Variants in FRK observed in about 807,000 individuals in gnomAD.
FRK encodes tyrosine-protein kinase FRK.
FRK carries 51 observed loss-of-function variants against 56.4 expected under a neutral mutation model. The observed-to-expected ratio is 0.90, with a 90% CI of 0.72 to 1.14. FRK has a LOEUF of 1.14. Ranked by LOEUF, FRK falls within the 50% of genes most tolerant of loss-of-function variation. The probability of loss-of-function intolerance (pLI) is 0.00; values close to 1 mark genes in which losing one functional copy is unlikely to be tolerated. For missense variants in FRK, 570 were observed against 601.4 expected (o/e 0.95, Z 0.55); for synonymous variants, 245 against 217.9 (o/e 1.12, Z -1.10).
chr6:115,950,612 A>G (rs1467128336), intron 5 of FRK, among the ~76,000 whole-genome samples: 1 of 152,240 alleles, frequency 6.6e-6, no homozygotes, highest in Non-Finnish European at 1.5e-5. Flanking sequence ...CAGTGTGGCG[A>G]TTCCTCAAGG....
Position 115,980,929 on chromosome 6 carries a change from A to G in FRK, c.467-12190T>C, listed in dbSNP as rs1216942828. ...TTCTGTTAGAGACTCAGCATGATCT[A>G]TATCTCTGTTCTTTTTCATTGATTT... On this transcript the variant is annotated intron_variant, in intron 2 of 7. Transcript: ENST00000606080. Among the ~76,000 whole-genome samples the G allele has an allele frequency of 3.9e-5, 6 of 152,108 alleles. No homozygotes were observed. The East Asian group carries it at 1.2e-3, about 29-fold the overall frequency.
the FRK span, among the ~76,000 whole-genome samples, chr6:116,072,303 C>T: frequency 6.6e-6 from 1 of 151,920 alleles, no homozygotes; most frequent in Non-Finnish European, 1.5e-5. Flanking sequence ...GTGATTGAGT[C>T]CTGAATCTGA....
chr6:115,948,132 C>T (rs1772541741), intron 5 of FRK, among the ~76,000 whole-genome samples: 1 of 152,204 alleles, frequency 6.6e-6, no homozygotes, highest in South Asian at 2.1e-4. Context: ...CTGTTGTTCT[C>T]TCGCTTGCTC....
intron 1 of FRK, chr6:116,039,004 A>AAGACTGC (rs1375270963): frequency 2.7e-6 from 2 of 728,872 alleles, no homozygotes; most frequent in Non-Finnish European, 5.2e-6. Flanking sequence ...GGCATGATCA[A>AAGACTGC]AGACTGCAAA....
At chr6:115,972,859 G>A (rs1395631760) in intron 2 of FRK, among the ~76,000 whole-genome samples, 1 of 152,102 alleles carries the variant, frequency 6.6e-6, no homozygotes, top group East Asian at 1.9e-4. Context: ...TCAGTAGATG[G>A]CACTGCCAGG....
chr6:115,990,756 G>T (rs1774569442), intron 2 of FRK, among the ~76,000 whole-genome samples: 1 of 151,794 alleles, frequency 6.6e-6, no homozygotes, highest in Non-Finnish European at 1.5e-5. Context: ...GGCTATTTGT[G>T]CTCTTTTTTG....
the FRK span, among the ~76,000 whole-genome samples, chr6:116,096,201 G>C: frequency 1.6e-4 from 25 of 152,286 alleles, no homozygotes; most frequent in South Asian, 3.7e-3. Flanking sequence ...TTCCCCTCTA[G>C]AGGACAGTAC....
upstream of FRK, among the ~76,000 whole-genome samples, chr6:116,064,932 A>C (rs1057313121): frequency 3.3e-5 from 5 of 152,068 alleles, no homozygotes; most frequent in Non-Finnish European, 7.4e-5. Flanking sequence ...CTGTTCCCAC[A>C]TCTGATCCTG....
chr6:116,097,792 G>A, the FRK span, among the ~76,000 whole-genome samples: 2 of 152,098 alleles, frequency 1.3e-5, no homozygotes, highest in African/African-American at 4.8e-5. Flanking sequence ...TTCACAGCAT[G>A]GTATTAATGT....
intron 2 of FRK, among the ~76,000 whole-genome samples, chr6:115,996,583 A>T (rs1774849973): frequency 6.6e-6 from 1 of 152,130 alleles, no homozygotes; most frequent in African/African-American, 2.4e-5. Context: ...AGATAGGAGG[A>T]TTATTTGTAA....
chr6:116,003,271 A>G (rs1026387270), intron 2 of FRK, among the ~76,000 whole-genome samples: 1 of 152,196 alleles, frequency 6.6e-6, no homozygotes, highest in Non-Finnish European at 1.5e-5. Context: ...CAACCTGGCA[A>G]TATACCTAAA....
intron 2 of FRK, 123 bp downstream of exon 2, chr6:116,003,754 T>A (rs754623860): frequency 5.1e-4 from 507 of 986,234 alleles, no homozygotes; most frequent in Non-Finnish European, 4.1e-4. Context: ...AGTATTAATT[T>A]TGGTGCTACT....
rs1772840055 is a variant in FRK at position 115,953,177 on chromosome 6, G to GCC, written c.958+3273_958+3274dup. Among the ~76,000 whole-genome samples, 27 of 111,788 alleles carry GCC rather than the reference G, an allele frequency of 2.4e-4. 10 individuals carry two copies. The highest frequency in any genetic ancestry group is 7.6e-4 in the South Asian group (2 of 2,624). The allele number at this position is 111,788 out of a possible 152,430, so 73.3% of individuals were successfully genotyped here. A position where few individuals can be genotyped will look rare whatever the true frequency, so the allele number is the denominator to read the frequency against. On this transcript the variant is annotated intron_variant, in intron 5 of 7. Transcript: ENST00000606080. ...TTAAGAGTGGTACATCCATTTTAAG[G>GCC]CCATTTTTTTTTTTTTTTTTTTTTT...
intron 2 of FRK, among the ~76,000 whole-genome samples, chr6:115,985,577 T>C (rs990048828): frequency 2.6e-5 from 4 of 152,114 alleles, no homozygotes; most frequent in African/African-American, 9.7e-5. Context: ...GATTCTTTAC[T>C]TTCTAGCTGT....
At chr6:116,097,647 T>A in the FRK span, among the ~76,000 whole-genome samples, 1 of 152,232 alleles carries the variant, frequency 6.6e-6, no homozygotes, top group African/African-American at 2.4e-5. Flanking sequence ...AGATCAATTG[T>A]AATAATGAAA....
rs747059057 is a variant in FRK, at chr6:115,944,372, C to T, written c.1012G>A (p.Val338Ile). 1 of 1,612,680 alleles carries T rather than the reference C, an allele frequency of 6.2e-7. No individual in the cohort carries two copies. Among genetic ancestry groups the T allele is most frequent in the Non-Finnish European group, 8.5e-7 (1 of 1,179,502 alleles). The stretch of plus-strand genomic sequence containing the variant: ...TCCAGATAGGCCATTCCAGAGGCAA[C>T]CTGTGCCGCCATGTCTACCTGTTGA... ...LTQQVDMAAQ[V>I]ASGMAYLESR... The change falls in exon 6 of 8, where the codon GTT becomes ATT. Residue 338 changes from valine to isoleucine, a missense_variant. Physicochemically the swap from Val to Ile is conservative, Grantham distance 29. Coordinates refer to ENST00000606080, the MANE Select transcript of FRK (RefSeq NM_002031.3).
At chr6:116,095,924 T>G in the FRK span, among the ~76,000 whole-genome samples, 2 of 152,202 alleles carry the variant, frequency 1.3e-5, no homozygotes, top group African/African-American at 4.8e-5. Flanking sequence ...AGGCTTCTGA[T>G]ATCAGACAAT....
the FRK span, among the ~76,000 whole-genome samples, chr6:116,081,443 G>A: frequency 6.6e-6 from 1 of 152,114 alleles, no homozygotes; most frequent in African/African-American, 2.4e-5. Context: ...GATCACCTGA[G>A]GTCAGGAGTT....
Position 115,968,684 on chromosome 6 carries a change from T to C in FRK, c.522A>G (p.Gly174=). ...AGATTCTTCTTCGCGTGAGAAAAAA[T>C]CCCCCTTCATCCAGTCTTTTAATTC... is the stretch of plus-strand genomic sequence containing the variant. ...HYRIKRLDEG[G]FFLTRRRIFS... The change falls in exon 3 of 8, where the codon GGA becomes GGG. Residue 174 remains glycine, a synonymous_variant. Transcript: ENST00000606080. 1 of 1,613,732 alleles carries C rather than the reference T, an allele frequency of 6.2e-7. No homozygotes were observed. The highest frequency in any genetic ancestry group is 8.5e-7 in the Non-Finnish European group (1 of 1,179,810).
Sources: allele counts gnomAD v4.1 joint callset (sites outside exome capture counted in the v4.1 genomes callset), GRCh38; gene constraint gnomAD v4.1.1; transcripts MANE v1.5; gene names NCBI Gene and HGNC (gene_info 2026-07-23, HGNC 2026-07-21).